PTK2B: variants seen among roughly 807,000 people sequenced by gnomAD.
PTK2B encodes the protein protein-tyrosine kinase 2-beta.
A neutral mutation model predicts 142.9 loss-of-function variants in PTK2B; 71 were observed. The observed-to-expected ratio is 0.50, with a 90% CI of 0.41 to 0.61. PTK2B has a LOEUF of 0.61. Among genes scored for constraint, PTK2B ranks in the 20% least tolerant of loss-of-function variants. PTK2B has a pLI of 0.00. For missense variants in PTK2B, 1,105 were observed against 1,320.4 expected (o/e 0.84, Z 2.53); for synonymous variants, 519 against 503.4 (o/e 1.03, Z -0.42).
In PTK2B at chr8:27,434,536, A is replaced by T. The variant is rs201276254; in HGVS notation, c.1169A>T (p.His390Leu). The T allele has an allele frequency of 5.0e-6, 8 of 1,608,290 alleles. No individual in the cohort carries two copies. Among genetic ancestry groups the T allele is most frequent in the Non-Finnish European group, 5.9e-6 (7 of 1,177,598 alleles). ...PMLNLEARRS[H>L]LSESCSIESD... is the part of the protein sequence containing the mutation. ...AGAAACCTGGAGGCCCGGCGGTCCC[A>T]CCTCTCAGAGAGCTGCAGCATAGGT... Residue 390 changes from histidine (H) to leucine (L), a missense_variant, in exon 13 of 31, where the codon CAC becomes CTC. Transcript: ENST00000346049.
chr8:27,401,303 G>C (rs1034216703), intron 2 of PTK2B, among the ~76,000 whole-genome samples: 20 of 152,214 alleles, frequency 1.3e-4, no homozygotes, highest in African/African-American at 4.8e-4. Flanking sequence ...AGGAGCCCAA[G>C]GCAGAGGGGG....
intron 1 of PTK2B, among the ~76,000 whole-genome samples, chr8:27,379,164 C>T (rs756125241): frequency 2.0e-5 from 3 of 152,072 alleles, no homozygotes; most frequent in Non-Finnish European, 4.4e-5. Flanking sequence ...AAGAGGTAGC[C>T]GAAGTGAGTC....
intron 2 of PTK2B, among the ~76,000 whole-genome samples, chr8:27,411,725 T>C (rs1809077622): frequency 6.6e-6 from 1 of 152,182 alleles, no homozygotes; most frequent in Non-Finnish European, 1.5e-5. Flanking sequence ...GCCTAAAGGA[T>C]TGGCACACTT....
At position 27,459,117 on chromosome 8, in the gene PTK2B, G is replaced by T; in HGVS notation, c.*608G>T. 4.2e-6 allele frequency: 1 copy of T among 240,310 alleles called. No individual in the cohort carries two copies. The highest frequency in any genetic ancestry group is 8.2e-6 in the Non-Finnish European group (1 of 121,408). The allele number at this position is 240,310 out of a possible 1,614,324, so 14.9% of individuals were successfully genotyped here. A position where few individuals can be genotyped will look rare whatever the true frequency, so the allele number is the denominator to read the frequency against. ...CAAGCTAATTGGGAGTCCAGGCACA[G>T]GATGCTGTGTTGTCAACAAACCAAG... On this transcript the variant is annotated 3_prime_UTR_variant, in exon 31 of 31. Transcript: ENST00000346049.
At chr8:27,448,849 T>G (rs1183485536) in intron 24 of PTK2B, among the ~76,000 whole-genome samples, 1 of 152,280 alleles carries the variant, frequency 6.6e-6, no homozygotes, top group Non-Finnish European at 1.5e-5. Context: ...GTCCTCATTT[T>G]TGAGTATCAG....
At position 27,437,815 on chromosome 8, in the gene PTK2B, C is replaced by T. The variant is rs762593264; in HGVS notation, c.1578C>T (p.Leu526=). ...RNKNSLKVLT[L]VLYSLQICKA... The stretch of plus-strand genomic sequence containing the variant: ...AGAACTCCCTGAAGGTGCTCACCCT[C>T]GTGCTGTACTCACTGCAGATATGCA... Residue 526 remains leucine (L), a synonymous_variant, in exon 18 of 31, where the codon CTC becomes CTT. Coordinates refer to ENST00000346049, the MANE Select transcript of PTK2B (RefSeq NM_173176.3). The T allele has an allele frequency of 8.7e-6, 14 of 1,613,486 alleles. No homozygotes were observed. The Admixed American group carries it at 1.2e-4, about 13-fold the overall frequency.
At chr8:27,407,854 T>C (rs725788) in intron 2 of PTK2B, among the ~76,000 whole-genome samples, 58,687 of 152,106 alleles carry the variant, frequency 0.39, 11,740 homozygotes, top group Middle Eastern at 0.51. Context: ...GCACCTGCTC[T>C]GCACCTACCA....
At chr8:27,367,117 A>T (rs978841816) in intron 1 of PTK2B, among the ~76,000 whole-genome samples, 4 of 152,206 alleles carry the variant, frequency 2.6e-5, no homozygotes, top group Admixed American at 2.0e-4. Context: ...AAACATTATG[A>T]TGTTGTTTAA....
intron 4 of PTK2B, 48 bp downstream of exon 4, chr8:27,420,792 A>G (rs746644656): frequency 6.7e-7 from 1 of 1,498,398 alleles, no homozygotes; most frequent in African/African-American, 1.4e-5. Flanking sequence ...TTACACCTCA[A>G]ATGCCAAGCA....
intron 5 of PTK2B, 100 bp downstream of exon 5, chr8:27,422,483 T>C (rs1007103249): frequency 1.1e-5 from 13 of 1,138,022 alleles, no homozygotes; most frequent in African/African-American, 1.6e-5. Context: ...AATGAGTGTG[T>C]GGGAGCCAGG....
intron 2 of PTK2B, among the ~76,000 whole-genome samples, chr8:27,402,555 A>C (rs547946434): frequency 6.6e-6 from 1 of 152,160 alleles, no homozygotes; most frequent in East Asian, 1.9e-4. Flanking sequence ...TCCATCATCC[A>C]CTCCACAAAT....
chr8:27,356,845 C>A (rs962099072), intron 1 of PTK2B, among the ~76,000 whole-genome samples: 4 of 152,178 alleles, frequency 2.6e-5, no homozygotes, highest in African/African-American at 9.7e-5. Flanking sequence ...ATTGACATCA[C>A]ATCCTTTAAG....
At position 27,346,225 on chromosome 8, in the gene PTK2B, C is replaced by T. The variant is rs555952249; in HGVS notation, c.-38+20544C>T. On this transcript the variant is annotated intron_variant, in intron 1 of 30. Coordinates refer to ENST00000346049, the MANE Select transcript of PTK2B (RefSeq NM_173176.3). ...GAGGTTATGTGGATTCATGTTTTCACTCTGTTTTCTTAAAAGTACTTGCTT... is the reference window on the plus strand; with the variant it reads ...GAGGTTATGTGGATTCATGTTTTCATTCTGTTTTCTTAAAAGTACTTGCTT... Among the ~76,000 whole-genome samples, 17 of 152,298 alleles carry T rather than the reference C, an allele frequency of 1.1e-4. No homozygotes were observed. The South Asian group carries it at 2.3e-3, about 20-fold the overall frequency.
chr8:27,420,565 G>C, intron 3 of PTK2B, 92 bp from the exon 4 acceptor site: 1 of 1,214,148 alleles, frequency 8.2e-7, no homozygotes, highest in South Asian at 1.2e-5. Flanking sequence ...CTTTGCACTA[G>C]GGGATGGGCT....
At chr8:27,408,033 G>A (rs1378049159) in intron 2 of PTK2B, among the ~76,000 whole-genome samples, 3 of 152,192 alleles carry the variant, frequency 2.0e-5, no homozygotes, top group African/African-American at 7.2e-5. Flanking sequence ...GGAGAGAACT[G>A]TTGGGGCTCA....
intron 30 of PTK2B, among the ~76,000 whole-genome samples, chr8:27,456,067 C>G (rs1289187015): frequency 6.6e-6 from 1 of 152,220 alleles, no homozygotes; most frequent in African/African-American, 2.4e-5. Context: ...GTGGGGCTGT[C>G]TTGTCTCATT....
chr8:27,429,053 C>T (rs1372659759), intron 5 of PTK2B, among the ~76,000 whole-genome samples: 5 of 152,058 alleles, frequency 3.3e-5, no homozygotes, highest in East Asian at 1.9e-4. Flanking sequence ...CCGAGTAGTA[C>T]GTGCCACCAT....
At chr8:27,429,385 G>A (rs1810271978) in intron 5 of PTK2B, among the ~76,000 whole-genome samples, 1 of 152,192 alleles carries the variant, frequency 6.6e-6, no homozygotes, top group Non-Finnish European at 1.5e-5. Context: ...GTAGGATAAT[G>A]TCTGCAACAG....
chr8:27,362,648 T>C (rs1186926123), intron 1 of PTK2B, among the ~76,000 whole-genome samples: 2 of 147,010 alleles, frequency 1.4e-5, no homozygotes, highest in Non-Finnish European at 3.0e-5. Context: ...AAGACTTCCT[T>C]GGGGCCCTCT....
Sources: gnomAD v4.1 joint callset for allele counts (sites outside exome capture counted in the v4.1 genomes callset) on GRCh38, gnomAD v4.1.1 for gene constraint, MANE v1.5 for transcripts, NCBI Gene and HGNC (gene_info 2026-07-23, HGNC 2026-07-21) for gene names.